CNTN3: variants seen among roughly 807,000 people sequenced by gnomAD.
CNTN3 encodes the protein contactin 3.
CNTN3 carries 60 observed loss-of-function variants against 119.1 expected under a neutral mutation model. That is an observed-to-expected ratio of 0.50 (90% CI 0.41 to 0.62). The LOEUF (loss-of-function observed/expected upper bound fraction) is 0.62. Among genes scored for constraint, CNTN3 ranks in the 20% least tolerant of loss-of-function variants. The pLI, the probability that CNTN3 is intolerant of heterozygous loss-of-function variation, is 0.00. For missense variants in CNTN3, 1,101 were observed against 1,242.4 expected (o/e 0.89, Z 1.71); for synonymous variants, 450 against 438.7 (o/e 1.03, Z -0.32).
chr3:74,371,624 G>A (rs1275811194), intron 5 of CNTN3, among the ~76,000 whole-genome samples: 1 of 152,050 alleles, frequency 6.6e-6, no homozygotes, highest in Non-Finnish European at 1.5e-5. Context: ...TATTATTACT[G>A]TCATAATATC....
intron 1 of CNTN3, among the ~76,000 whole-genome samples, chr3:74,582,887 T>C (rs983173899): frequency 4.6e-5 from 7 of 151,802 alleles, no homozygotes; most frequent in Admixed American, 2.6e-4. Context: ...CCAAATGACC[T>C]GAACACAAAT....
chr3:74,381,427 T>TC (rs996131807), intron 5 of CNTN3, among the ~76,000 whole-genome samples: 1 of 152,068 alleles, frequency 6.6e-6, no homozygotes, highest in African/African-American at 2.4e-5. Context: ...TCAAAAGTAA[T>TC]CCCAGTCTGC....
chr3:74,369,717 A>C (rs866195852), intron 7 of CNTN3, among the ~76,000 whole-genome samples, 172 bp downstream of exon 7: 1 of 149,786 alleles, frequency 6.7e-6, no homozygotes, highest in South Asian at 2.1e-4. Flanking sequence ...TTTGAATATT[A>C]AAGTTTCAAA....
At position 74,584,420 on chromosome 3, in the gene CNTN3, T is replaced by C. The variant is rs543791706; in HGVS notation, c.-81+29971A>G. ...GTGTGGAGTGTTTAGATTATGGGGA[T>C]AGGTGCTTTACGAATGGTTTGGTGC... is the stretch of plus-strand genomic sequence containing the variant. On this transcript the variant is annotated intron_variant, in intron 1 of 22. Coordinates refer to ENST00000263665, the MANE Select transcript of CNTN3 (RefSeq NM_020872.3). Among the ~76,000 whole-genome samples, 4 of 152,226 alleles carry C rather than the reference T, an allele frequency of 2.6e-5. No homozygotes were observed. In the South Asian group the frequency reaches 6.2e-4, roughly 24 times the overall value.
At chr3:74,367,689 A>G (rs915552416) in intron 8 of CNTN3, among the ~76,000 whole-genome samples, 8 of 152,092 alleles carry the variant, frequency 5.3e-5, no homozygotes, top group Non-Finnish European at 1.0e-4. Flanking sequence ...AATCACAAAG[A>G]AACTGGGTCG....
chr3:74,437,522 G>T (rs1256325112), intron 4 of CNTN3, among the ~76,000 whole-genome samples: 6 of 152,000 alleles, frequency 3.9e-5, no homozygotes, highest in South Asian at 2.1e-4. Context: ...CTCTTCTAAA[G>T]TATCTATTCT....
rs527843750 is a variant in CNTN3 at position 74,297,924 on chromosome 3, G to A, written c.2401+33C>T. The A allele has an allele frequency of 1.3e-5, 20 of 1,490,514 alleles. No homozygotes were observed. In the South Asian group the frequency reaches 2.4e-4, roughly 18 times the overall value. 92.3% of individuals were successfully genotyped at this position (1,490,514 alleles called of 1,614,324 possible). On this transcript the variant is annotated intron_variant, in intron 18 of 22. Transcript: ENST00000263665. ...TTTGGAGCACAAATAATTATTATTA[G>A]GCGGAACTGATATACAGTCATGTTT...
chr3:74,345,506 C>T (rs1452911088), intron 11 of CNTN3, among the ~76,000 whole-genome samples: 4 of 152,152 alleles, frequency 2.6e-5, no homozygotes, highest in Non-Finnish European at 5.9e-5. Flanking sequence ...AAATAATATT[C>T]ATGGTAAGTT....
intron 11 of CNTN3, among the ~76,000 whole-genome samples, chr3:74,345,988 G>A (rs1177909224): frequency 6.6e-6 from 1 of 152,100 alleles, no homozygotes; most frequent in Non-Finnish European, 1.5e-5. Flanking sequence ...TTACATTCTA[G>A]GCAACTGGAA....
intron 1 of CNTN3, among the ~76,000 whole-genome samples, chr3:74,598,346 A>G (rs1401674470): frequency 6.6e-6 from 1 of 152,132 alleles, no homozygotes; most frequent in Non-Finnish European, 1.5e-5. Context: ...AAGTGAAGAC[A>G]TCTTGGATTC....
At chr3:74,437,264 C>T (rs1467272811) in intron 4 of CNTN3, among the ~76,000 whole-genome samples, 1 of 152,048 alleles carries the variant, frequency 6.6e-6, no homozygotes, top group Non-Finnish European at 1.5e-5. Flanking sequence ...TGAGACCGTC[C>T]TGGTTATCAT....
chr3:74,387,112 T>C (rs1022873492), intron 5 of CNTN3, among the ~76,000 whole-genome samples: 1 of 152,188 alleles, frequency 6.6e-6, no homozygotes, highest in African/African-American at 2.4e-5. Context: ...AAAGTGATGA[T>C]GTGTGGAGAT....
chr3:74,459,601 G>T (rs1702329121), intron 4 of CNTN3, among the ~76,000 whole-genome samples: 2 of 151,926 alleles, frequency 1.3e-5, no homozygotes, highest in African/African-American at 4.8e-5. Context: ...TCCTATGCTT[G>T]CTGAGTTTCC....
chr3:74,477,626 G>A (rs1016867230), intron 4 of CNTN3, among the ~76,000 whole-genome samples: 3 of 151,970 alleles, frequency 2.0e-5, no homozygotes, highest in Non-Finnish European at 4.4e-5. Context: ...ATGGTTAATG[G>A]GTAAAATAAA....
At chr3:74,548,720 T>A (rs527534075) in intron 1 of CNTN3, among the ~76,000 whole-genome samples, 17 of 152,204 alleles carry the variant, frequency 1.1e-4, no homozygotes, top group Admixed American at 1.1e-3. Context: ...GGGAATAACA[T>A]TATTCAATGA....
rs907670096 is a variant in CNTN3 at position 74,264,262 on chromosome 3, T to A, written c.*139A>T. On this transcript the variant is annotated 3_prime_UTR_variant, in exon 23 of 23. Coordinates refer to ENST00000263665, the MANE Select transcript of CNTN3 (RefSeq NM_020872.3). ...CTAAAAGGATTTACTGTTTTTTTAA[T>A]TATATTCATATTTACCTATAATGAA... 1.4e-5 allele frequency: 6 copies of A among 441,954 alleles called. No homozygotes were observed. Among genetic ancestry groups the A allele is most frequent in the African/African-American group, 1.2e-4 (6 of 49,052 alleles). The allele number at this position is 441,954 out of a possible 1,614,324, so 27.4% of individuals were successfully genotyped here.
At chr3:74,533,486 A>C (rs1171667832) in intron 1 of CNTN3, among the ~76,000 whole-genome samples, 1 of 152,078 alleles carries the variant, frequency 6.6e-6, no homozygotes, top group Non-Finnish European at 1.5e-5. Flanking sequence ...CAGATTGAAC[A>C]TGTGCCAGGC....
At chr3:74,360,947 G>T (rs1402314376) in intron 11 of CNTN3, among the ~76,000 whole-genome samples, 3 of 151,924 alleles carry the variant, frequency 2.0e-5, no homozygotes, top group African/African-American at 7.3e-5. Context: ...AAAGTCAACT[G>T]CTAAGACTTT....
intron 1 of CNTN3, among the ~76,000 whole-genome samples, chr3:74,579,761 C>T (rs376395972): frequency 9.9e-5 from 15 of 151,802 alleles, no homozygotes; most frequent in East Asian, 7.8e-4. Flanking sequence ...GCAGTGGAAG[C>T]GTTGTTAAAA....
Sources: gnomAD v4.1 joint callset for allele counts (sites outside exome capture counted in the v4.1 genomes callset) on GRCh38, gnomAD v4.1.1 for gene constraint, MANE v1.5 for transcripts, NCBI Gene and HGNC (gene_info 2026-07-23, HGNC 2026-07-21) for gene names.